The following KIAA1671 variants were observed in gnomAD, a reference collection of about 807,000 sequenced individuals.
KIAA1671 encodes KIAA1671.
In KIAA1671, 52 loss-of-function variants were observed where a neutral mutation model predicts 131.2. The observed-to-expected ratio is 0.40, with a 90% CI of 0.32 to 0.50. The LOEUF (loss-of-function observed/expected upper bound fraction) is 0.50. Ranked by LOEUF, KIAA1671 falls within the 20% of genes least tolerant of loss-of-function variation. The pLI, the probability that KIAA1671 is intolerant of heterozygous loss-of-function variation, is 0.73. For missense variants in KIAA1671, 2,360 were observed against 2,364.2 expected, an observed-to-expected ratio of 1.00 and a Z score of 0.04; for synonymous variants, 1,003 against 961.6, an observed-to-expected ratio of 1.04 and a Z score of -0.80.
intron 6 of KIAA1671, among the ~76,000 whole-genome samples, chr22:25,144,766 A>G (rs1932852225): frequency 6.6e-6 from 1 of 152,150 alleles, no homozygotes; most frequent in Non-Finnish European, 1.5e-5. Context: ...ATAGAAAGGG[A>G]GGGACTTAGG....
intron 1 of KIAA1671, among the ~76,000 whole-genome samples, chr22:25,020,348 A>T (rs1425747447): frequency 1.3e-5 from 2 of 152,212 alleles, no homozygotes; most frequent in African/African-American, 2.4e-5. Flanking sequence ...GGTCTCAAAA[A>T]TGTTGTTGAA....
At chr22:24,956,552 C>T (rs947362210) in intron 1 of KIAA1671, among the ~76,000 whole-genome samples, 3 of 152,086 alleles carry the variant, frequency 2.0e-5, no homozygotes, top group Admixed American at 1.3e-4. Context: ...GGAGCCTTCC[C>T]GGAGGAGGCA....
At chr22:25,035,544 A>G (rs967371864) in intron 4 of KIAA1671, among the ~76,000 whole-genome samples, 6 of 151,828 alleles carry the variant, frequency 4.0e-5, no homozygotes, top group Non-Finnish European at 7.4e-5. Flanking sequence ...ACCCACCACC[A>G]CTCTTGGAGG....
intron 1 of KIAA1671, among the ~76,000 whole-genome samples, chr22:24,974,945 C>T (rs1922840070): frequency 2.0e-5 from 3 of 152,114 alleles, no homozygotes; most frequent in African/African-American, 4.8e-5. Flanking sequence ...CCATCCGCCT[C>T]GGCCTCCCAA....
chr22:25,127,343 G>A (rs1016185165), intron 6 of KIAA1671, among the ~76,000 whole-genome samples: 1 of 152,134 alleles, frequency 6.6e-6, no homozygotes, highest in Admixed American at 6.5e-5. Context: ...ACGGAACCGT[G>A]GCACAGGCTC....
intron 6 of KIAA1671, chr22:25,059,392 G>A (rs547271130): frequency 6.7e-6 from 1 of 149,532 alleles, no homozygotes; most frequent in East Asian, 2.0e-4. Context: ...TGAGGCAGGA[G>A]AATCACTTGA....
At chr22:25,131,924 T>A (rs1460626307) in intron 6 of KIAA1671, among the ~76,000 whole-genome samples, 1 of 152,212 alleles carries the variant, frequency 6.6e-6, no homozygotes, top group Non-Finnish European at 1.5e-5. Flanking sequence ...TGACACGAGT[T>A]GATGGGTGTG....
chr22:25,141,196 G>T (rs1932801824), intron 6 of KIAA1671, among the ~76,000 whole-genome samples: 1 of 152,098 alleles, frequency 6.6e-6, no homozygotes, highest in African/African-American at 2.4e-5. Flanking sequence ...TTTTAACAGT[G>T]ATTCTCTTCA....
At chr22:25,037,446 G>A (rs1170307947) in intron 4 of KIAA1671, among the ~76,000 whole-genome samples, 3 of 151,942 alleles carry the variant, frequency 2.0e-5, no homozygotes, top group African/African-American at 7.2e-5. Flanking sequence ...TTCAACAAAG[G>A]TTTACAGTCA....
intron 6 of KIAA1671, among the ~76,000 whole-genome samples, chr22:25,123,932 C>T (rs1411619079): frequency 6.6e-6 from 1 of 152,192 alleles, no homozygotes; most frequent in African/African-American, 2.4e-5. Flanking sequence ...CAAGGATGGC[C>T]AGGGAGTATT....
chr22:25,041,817 T>C (rs1926940633), intron 5 of KIAA1671, among the ~76,000 whole-genome samples: 1 of 152,188 alleles, frequency 6.6e-6, no homozygotes, highest in African/African-American at 2.4e-5. Flanking sequence ...TGATCATGGC[T>C]CACTGCAGCC....
intron 5 of KIAA1671, among the ~76,000 whole-genome samples, chr22:25,043,991 A>G (rs1927084208): frequency 6.8e-6 from 1 of 146,690 alleles, no homozygotes; most frequent in African/African-American, 2.7e-5. Flanking sequence ...TGCTGCAGAA[A>G]GGAAACTCTA....
intron 7 of KIAA1671, among the ~76,000 whole-genome samples, chr22:25,172,041 G>A (rs1933867759): frequency 6.6e-6 from 1 of 151,802 alleles, no homozygotes; most frequent in Non-Finnish European, 1.5e-5. Flanking sequence ...GAAAGCAAAG[G>A]TTTTTTACAG....
At chr22:25,122,388 A>G (rs1385113110) in intron 6 of KIAA1671, among the ~76,000 whole-genome samples, 4 of 152,094 alleles carry the variant, frequency 2.6e-5, no homozygotes, top group African/African-American at 7.2e-5. Flanking sequence ...CAATGACCCA[A>G]TGACCCAAAA....
chr22:25,042,622 A>G (rs1396841545), intron 5 of KIAA1671, among the ~76,000 whole-genome samples: 1 of 149,076 alleles, frequency 6.7e-6, no homozygotes, highest in Non-Finnish European at 1.5e-5. Context: ...GCCCGCCATC[A>G]TACCCGGCTA....
chr22:25,151,431 T>A (rs1040403237), intron 6 of KIAA1671, among the ~76,000 whole-genome samples: 6 of 40,730 alleles, frequency 1.5e-4, no homozygotes, highest in African/African-American at 1.3e-3. Context: ...CATGAACTCT[T>A]TTTTTTTTTT....
chr22:25,079,233 C>T (rs1929270042), intron 6 of KIAA1671, among the ~76,000 whole-genome samples: 1 of 146,766 alleles, frequency 6.8e-6, no homozygotes, highest in South Asian at 2.2e-4. Context: ...CAGGGACTAA[C>T]TTTTTTTTTT....
At chr22:25,190,595 C>A in intron 11 of KIAA1671, 107 bp from the exon 12 acceptor site, 1 of 897,366 alleles carries the variant, frequency 1.1e-6, no homozygotes, top group Non-Finnish European at 1.8e-6. Context: ...GTGCTTGCCC[C>A]AACCCCGCCT....
chr22:25,176,711 A>G (rs943443191), intron 8 of KIAA1671: 5 of 152,132 alleles, frequency 3.3e-5, no homozygotes, highest in African/African-American at 9.7e-5. Flanking sequence ...ACTGGGGCCC[A>G]CCCAGATGGT....
Sources: gnomAD v4.1 joint callset for allele counts (sites outside exome capture counted in the v4.1 genomes callset) on GRCh38, gnomAD v4.1.1 for gene constraint, MANE v1.5 for transcripts, NCBI Gene and HGNC (gene_info 2026-07-23, HGNC 2026-07-21) for gene names.